The following PIK3R6 variants were observed in gnomAD, a reference collection of about 807,000 sequenced individuals.
PIK3R6 encodes the protein phosphoinositide-3-kinase regulatory subunit 6, also known as phosphoinositide 3-kinase regulatory subunit 6.
PIK3R6 carries 91 observed loss-of-function variants against 84.9 expected under a neutral mutation model. The ratio of observed to expected loss-of-function variants is 1.07; its 90% CI spans 0.90 to 1.28. The LOEUF (loss-of-function observed/expected upper bound fraction) is 1.28, where lower values mean the gene tolerates loss of function less well. PIK3R6 is among the 50% of genes most tolerant of loss of function. The pLI is 0.00. For missense variants in PIK3R6, 996 were observed against 985.1 expected (o/e 1.01, Z -0.15); for synonymous variants, 416 against 411.4 (o/e 1.01, Z -0.13).
At chr17:8,848,509 G>A (rs533736128) in intron 2 of PIK3R6, among the ~76,000 whole-genome samples, 2 of 151,736 alleles carry the variant, frequency 1.3e-5, no homozygotes, top group East Asian at 1.9e-4. Context: ...CCTACACAGC[G>A]TGTGACTGCA....
chr17:8,861,766 G>A (rs1367720684), intron 1 of PIK3R6, among the ~76,000 whole-genome samples: 1 of 152,230 alleles, frequency 6.6e-6, no homozygotes, highest in African/African-American at 2.4e-5. Flanking sequence ...CCAAGGGGAT[G>A]CCTAAGACCT....
chr17:8,829,226 G>C (rs543003865), intron 10 of PIK3R6, among the ~76,000 whole-genome samples: 4 of 143,772 alleles, frequency 2.8e-5, no homozygotes, highest in Non-Finnish European at 6.0e-5. Flanking sequence ...CACACACACA[G>C]AGACACACTG....
rs1276939538 is a variant in PIK3R6 at position 8,829,565 on chromosome 17, CAT to C, written c.889+139_889+140del. On this transcript the variant is annotated intron_variant, in intron 10 of 19. Transcript: ENST00000619866. ...GCACACAGACACACACTCATGCACA[CAT>C]ACACACACAGACACACTGACACACA... 64 of 877,410 alleles carry C rather than the reference CAT, an allele frequency of 7.3e-5. 1 individual carries two copies. In the African/African-American group the frequency reaches 8.6e-4, roughly 12 times the overall value. 54.4% of individuals were successfully genotyped at this position (877,410 alleles called of 1,614,324 possible). A position where few individuals can be genotyped will look rare whatever the true frequency, so the allele number is the denominator to read the frequency against.
At chr17:8,820,582 G>A (rs896529471) in intron 17 of PIK3R6, among the ~76,000 whole-genome samples, 1 of 152,158 alleles carries the variant, frequency 6.6e-6, no homozygotes, top group Non-Finnish European at 1.5e-5. Context: ...ACAATTATGC[G>A]TCTCCTTCAT....
intron 8 of PIK3R6, 115 bp downstream of exon 8, chr17:8,835,158 T>G: frequency 1.7e-6 from 2 of 1,157,424 alleles, no homozygotes; most frequent in Non-Finnish European, 2.3e-6. Flanking sequence ...AATTTTTGAT[T>G]TGGGGGAAAA....
chr17:8,813,837 A>G (rs2087439768), intron 18 of PIK3R6, among the ~76,000 whole-genome samples: 1 of 152,252 alleles, frequency 6.6e-6, no homozygotes, highest in South Asian at 2.1e-4. Context: ...ATTACCTCTA[A>G]GAACTGGAAT....
chr17:8,830,722 G>A (rs963059070), intron 9 of PIK3R6, among the ~76,000 whole-genome samples: 1 of 152,144 alleles, frequency 6.6e-6, no homozygotes, highest in Non-Finnish European at 1.5e-5. Context: ...GTACAGTGAC[G>A]ACTTGAGCCC....
At chr17:8,864,242 T>A (rs1292942077) in intron 1 of PIK3R6, among the ~76,000 whole-genome samples, 8 of 152,158 alleles carry the variant, frequency 5.3e-5, no homozygotes, top group African/African-American at 1.9e-4. Context: ...CAGCTCGTCA[T>A]GAAAATTTGG....
chr17:8,839,482 G>A lies in PIK3R6; in HGVS notation c.97+132C>T. 1 of 620,682 alleles carries A rather than the reference G, an allele frequency of 1.6e-6. No homozygotes were observed. Among genetic ancestry groups the A allele is most frequent in the Non-Finnish European group, 2.7e-6 (1 of 365,436 alleles). 38.4% of individuals were successfully genotyped at this position (620,682 alleles called of 1,614,324 possible). On this transcript the variant is annotated intron_variant, in intron 3 of 19. Transcript: ENST00000619866. This position sits in a 1 kb window ranked among gnomAD's most constrained non-coding sequence, Gnocchi z 4.2. ...TTCAGGCTCTAGGTATTTCCAGCAGGAAAGGGGTTTGGTGAGACGACCCTT... is the reference window on the plus strand; with the variant it reads ...TTCAGGCTCTAGGTATTTCCAGCAGAAAAGGGGTTTGGTGAGACGACCCTT...
At chr17:8,829,074 T>TAC (rs57042200) in intron 10 of PIK3R6, 84 bp from the exon 11 acceptor site, 4 of 1,259,566 alleles carry the variant, frequency 3.2e-6, no homozygotes, top group South Asian at 1.7e-5. Flanking sequence ...CTTCAGAGGA[T>TAC]ACACACACAC....
At chr17:8,807,819 G>A (rs939866040) in intron 18 of PIK3R6, among the ~76,000 whole-genome samples, 1 of 152,156 alleles carries the variant, frequency 6.6e-6, no homozygotes, top group Non-Finnish European at 1.5e-5. Context: ...TTTTAAGTAC[G>A]GAATAACATG....
chr17:8,807,067 C>G (rs1273368487), intron 18 of PIK3R6, among the ~76,000 whole-genome samples: 1 of 152,242 alleles, frequency 6.6e-6, no homozygotes, highest in Admixed American at 6.5e-5. Context: ...AAACAGAAAC[C>G]ACTTTAAGGA....
At chr17:8,820,926 T>C (rs2087713328) in intron 17 of PIK3R6, among the ~76,000 whole-genome samples, 1 of 152,274 alleles carries the variant, frequency 6.6e-6, no homozygotes, top group African/African-American at 2.4e-5. Flanking sequence ...TTTCATTCCG[T>C]ATTTCTTCTG....
intron 2 of PIK3R6, among the ~76,000 whole-genome samples, chr17:8,848,202 T>G (rs1402097974): frequency 1.3e-5 from 2 of 152,218 alleles, no homozygotes; most frequent in East Asian, 3.8e-4. Context: ...CTTCAGCTTT[T>G]CCTTTGATGC....
At chr17:8,855,364 A>C (rs1033322277) in intron 1 of PIK3R6, among the ~76,000 whole-genome samples, 3 of 152,140 alleles carry the variant, frequency 2.0e-5, no homozygotes, top group African/African-American at 4.8e-5. Flanking sequence ...AAAATTCAAC[A>C]GTAAGAAAAC....
intron 13 of PIK3R6, among the ~76,000 whole-genome samples, chr17:8,823,797 A>T (rs2087825340): frequency 6.6e-6 from 1 of 152,186 alleles, no homozygotes; most frequent in East Asian, 1.9e-4. Context: ...CTGGAGAGTG[A>T]ATCTAATGAG....
At chr17:8,840,228 C>T (rs202091537) in intron 2 of PIK3R6, among the ~76,000 whole-genome samples, 18 of 134,794 alleles carry the variant, frequency 1.3e-4, no homozygotes, top group African/African-American at 4.9e-4. Flanking sequence ...GAAATATATA[C>T]AGCCTACAAA....
chr17:8,849,108 G>A (rs2088880241), intron 2 of PIK3R6, among the ~76,000 whole-genome samples: 1 of 100 alleles, frequency 0.01, no homozygotes, highest in Non-Finnish European at 0.019. Context: ...GCCGGACTAG[G>A]CCCCACTTTC....
At position 8,823,381 on chromosome 17, in the gene PIK3R6, G is replaced by A. The variant is rs746902603; in HGVS notation, c.1626+6C>T. The A allele has an allele frequency of 1.3e-6, 2 of 1,576,564 alleles. No homozygotes were observed. Among genetic ancestry groups the A allele is most frequent in the South Asian group, 2.2e-5 (2 of 89,610 alleles). On this transcript the variant is annotated splice_donor_region_variant and intron_variant, in intron 14 of 19. Transcript: ENST00000619866. The stretch of plus-strand genomic sequence containing the variant: ...GGTCCCTTGGAGCCTCCAGTGGGAT[G>A]CTTACCTTGACTGTGTAGATCTGGA...
Sources: gnomAD v4.1 joint callset for allele counts (sites outside exome capture counted in the v4.1 genomes callset) on GRCh38, gnomAD v4.1.1 for gene constraint, Gnocchi (gnomAD v3.1) non-coding constraint, MANE v1.5 for transcripts, NCBI Gene and HGNC (gene_info 2026-07-23, HGNC 2026-07-21) for gene names.